NFIB: variants seen among roughly 807,000 people sequenced by gnomAD.
The protein encoded by NFIB is nuclear factor I B, also known as nuclear factor 1 B-type.
Under a neutral mutation model 61.5 loss-of-function variants are expected in NFIB, and 11 were observed. The observed-to-expected ratio is 0.18, with a 90% confidence interval of 0.11 to 0.30. The LOEUF (loss-of-function observed/expected upper bound fraction) is 0.30, where lower values mean the gene tolerates loss of function less well. NFIB is among the 10% of genes least tolerant of loss of function. The pLI, the probability that NFIB is intolerant of heterozygous loss-of-function variation, is 1.00. For missense variants in NFIB, 471 were observed against 608.9 expected, an observed-to-expected ratio of 0.77 and a Z score of 2.38; for synonymous variants, 260 against 216.5, an observed-to-expected ratio of 1.20 and a Z score of -1.76.
chr9:14,088,402 G>T, intron 10 of NFIB, 76 bp from the exon 11 acceptor site: 14 of 1,334,116 alleles, frequency 1.0e-5, no homozygotes, highest in Non-Finnish European at 1.4e-5. Flanking sequence ...AACAATATGA[G>T]AAATATAAAT....
intron 2 of NFIB, among the ~76,000 whole-genome samples, chr9:14,246,772 A>T (rs1473004473): frequency 6.6e-6 from 1 of 152,132 alleles, no homozygotes. Context: ...TTCACAGAAA[A>T]CCACTAATAT....
At chr9:14,427,394 C>CTAT in the NFIB span, among the ~76,000 whole-genome samples, 1 of 152,132 alleles carries the variant, frequency 6.6e-6, no homozygotes, top group Non-Finnish European at 1.5e-5. Flanking sequence ...TAGGCAGATA[C>CTAT]TATTATTATC....
At chr9:14,275,099 C>T (rs1388072780) in intron 2 of NFIB, among the ~76,000 whole-genome samples, 1 of 152,116 alleles carries the variant, frequency 6.6e-6, no homozygotes, top group Non-Finnish European at 1.5e-5. Flanking sequence ...TCTTAATTTG[C>T]CCACGTCCCA....
chr9:14,333,009 G>A (rs1351573854), intron 1 of NFIB, among the ~76,000 whole-genome samples: 2 of 152,172 alleles, frequency 1.3e-5, no homozygotes, highest in Non-Finnish European at 2.9e-5. Flanking sequence ...TCAATCAGGG[G>A]TATTCAGGGG....
intron 1 of NFIB, among the ~76,000 whole-genome samples, chr9:14,389,745 T>G (rs983927811): frequency 1.2e-4 from 17 of 141,448 alleles, no homozygotes; most frequent in Non-Finnish European, 2.1e-4. Context: ...TTCCCAGCAT[T>G]TCCACCCCCA....
At chr9:14,526,236 G>T in the NFIB span, among the ~76,000 whole-genome samples, 1 of 152,090 alleles carries the variant, frequency 6.6e-6, no homozygotes, top group Non-Finnish European at 1.5e-5. Context: ...TTTTAGGGAG[G>T]TGCTGGGGTA....
the NFIB span, among the ~76,000 whole-genome samples, chr9:14,432,846 G>A: frequency 6.6e-6 from 1 of 152,160 alleles, no homozygotes; most frequent in African/African-American, 2.4e-5. Context: ...CATAATCAGA[G>A]ACTGATCTTT....
intron 10 of NFIB, among the ~76,000 whole-genome samples, chr9:14,097,437 A>C (rs7035517): frequency 0.015 from 2,344 of 152,316 alleles, 66 homozygotes; most frequent in African/African-American, 0.053. Flanking sequence ...CTCCAGGAAC[A>C]ACCCAGCTGT....
At chr9:14,125,491 TGATCG>T in intron 7 of NFIB, 136 bp downstream of exon 7, 2 of 1,193,604 alleles carry the variant, frequency 1.7e-6, no homozygotes, top group African/African-American at 1.5e-5. Flanking sequence ...AAAAAATACT[TGATCG>T]GATTGTGCCC....
rs573663362 is a variant in NFIB at position 14,229,794 on chromosome 9, C to T, written c.563-50014G>A. Among the ~76,000 whole-genome samples, 21 of 152,224 alleles carry T rather than the reference C, an allele frequency of 1.4e-4. 1 individual carries two copies. The South Asian group carries it at 3.5e-3, about 26-fold the overall frequency. On this transcript the variant is annotated intron_variant, in intron 2 of 10. Transcript: ENST00000380953. Reference sequence around the variant, plus strand: ...AGGCTCTAAAAATATCCCCTCCCAACCTGACTTTTATTCCCATCCTGCAGC... The same window carrying T: ...AGGCTCTAAAAATATCCCCTCCCAATCTGACTTTTATTCCCATCCTGCAGC...
chr9:14,271,989 T>C (rs2057658104), intron 2 of NFIB, among the ~76,000 whole-genome samples: 1 of 152,204 alleles, frequency 6.6e-6, no homozygotes, highest in South Asian at 2.1e-4. Context: ...ATGAAGTTAT[T>C]GCATTTCCTA....
chr9:14,238,237 G>A (rs750840502), intron 2 of NFIB, among the ~76,000 whole-genome samples: 21 of 152,036 alleles, frequency 1.4e-4, no homozygotes, highest in Admixed American at 3.9e-4. Context: ...TGTACTGGAG[G>A]GATGGTAGTA....
chr9:14,318,880 T>G (rs920679877), upstream of NFIB, among the ~76,000 whole-genome samples: 4 of 152,172 alleles, frequency 2.6e-5, no homozygotes, highest in Non-Finnish European at 4.4e-5. Context: ...GGTAATCAAA[T>G]TACCCAGCTC....
intron 2 of NFIB, among the ~76,000 whole-genome samples, chr9:14,187,955 A>C (rs1372326027): frequency 6.6e-6 from 1 of 152,126 alleles, no homozygotes; most frequent in East Asian, 1.9e-4. Context: ...CACCCCCCAC[A>C]ACAATGGGAA....
intron 2 of NFIB, among the ~76,000 whole-genome samples, chr9:14,187,459 A>T (rs866096744): frequency 2.6e-5 from 4 of 152,208 alleles, no homozygotes; most frequent in Admixed American, 1.3e-4. Flanking sequence ...TTTAAAATAT[A>T]CGTTTGATTT....
upstream of NFIB, among the ~76,000 whole-genome samples, chr9:14,400,702 G>C (rs895152306): frequency 6.6e-6 from 1 of 152,196 alleles, no homozygotes; most frequent in East Asian, 1.9e-4. Flanking sequence ...AGAAAAGCCA[G>C]CAAATGGAAG....
chr9:14,453,070 C>G, the NFIB span, among the ~76,000 whole-genome samples: 1 of 152,198 alleles, frequency 6.6e-6, no homozygotes, highest in Non-Finnish European at 1.5e-5. Context: ...GTGGCATTCT[C>G]TTTAGAACTC....
At chr9:14,428,034 TC>T in the NFIB span, among the ~76,000 whole-genome samples, 1 of 133,394 alleles carries the variant, frequency 7.5e-6, no homozygotes, top group Non-Finnish European at 1.6e-5. Context: ...AGCCTCGACC[TC>T]CCCAGGCTCA....
At chr9:14,427,937 G>GTGT in the NFIB span, among the ~76,000 whole-genome samples, 40 of 43,420 alleles carry the variant, frequency 9.2e-4, 2 homozygotes, top group African/African-American at 2.8e-3. Context: ...TAATTCAGTT[G>GTGT]TTTTTTTTTT....
Sources: gnomAD v4.1 joint callset for allele counts (sites outside exome capture counted in the v4.1 genomes callset) on GRCh38, gnomAD v4.1.1 for gene constraint, MANE v1.5 for transcripts, NCBI Gene and HGNC (gene_info 2026-07-23, HGNC 2026-07-21) for gene names.